The following WWOX variants were observed in gnomAD, a reference collection of about 807,000 sequenced individuals.
WWOX encodes WW domain-containing oxidoreductase.
WWOX carries 69 observed loss-of-function variants against 46.2 expected under a neutral mutation model. The observed-to-expected ratio is 1.49, with a 90% CI of 1.23 to 1.82. The LOEUF (loss-of-function observed/expected upper bound fraction) is 1.82, where lower values mean the gene tolerates loss of function less well. WWOX is among the 40% of genes most tolerant of loss of function. The probability of loss-of-function intolerance (pLI) is 0.00; values close to 1 mark genes in which losing one functional copy is unlikely to be tolerated. For missense variants in WWOX, 919 were observed against 542.6 expected (o/e 1.69, Z -6.89); for synonymous variants, 359 against 202.6 (o/e 1.77, Z -6.56).
At chr16:78,878,228 C>T (rs1325555619) in intron 8 of WWOX, among the ~76,000 whole-genome samples, 2 of 152,132 alleles carry the variant, frequency 1.3e-5, no homozygotes, top group Admixed American at 6.5e-5. Context: ...AACTCCTTAG[C>T]CTCATGACAT....
At chr16:78,979,307 C>T (rs1450077995) in intron 8 of WWOX, among the ~76,000 whole-genome samples, 2 of 152,118 alleles carry the variant, frequency 1.3e-5, no homozygotes, top group African/African-American at 4.8e-5. Context: ...CTCCTTCTAA[C>T]CTTTATAGTT....
intron 8 of WWOX, among the ~76,000 whole-genome samples, chr16:79,077,018 G>A (rs577508723): frequency 6.6e-6 from 1 of 152,218 alleles, no homozygotes; most frequent in Admixed American, 6.5e-5. Context: ...TGTTTTTATA[G>A]GGAAAAACAG....
In WWOX at chr16:78,904,741, A is replaced by G. The variant is rs140242642; in HGVS notation, c.1057-306867A>G. Among the ~76,000 whole-genome samples, 254 of 152,298 alleles carry G rather than the reference A, an allele frequency of 1.7e-3. 2 individuals are homozygous for G. Among genetic ancestry groups the G allele is most frequent in the African/African-American group, 5.8e-3 (242 of 41,572 alleles). On this transcript the variant is annotated intron_variant, in intron 8 of 8. Transcript: ENST00000566780. ...GTCAAGATATCTGGTCACCCTATCT[A>G]TGATCTGTCACACTTAGTACTTTCT...
At chr16:78,853,566 T>G (rs931979117) in intron 8 of WWOX, among the ~76,000 whole-genome samples, 1 of 152,214 alleles carries the variant, frequency 6.6e-6, no homozygotes, top group Non-Finnish European at 1.5e-5. Context: ...TGAATCTTCT[T>G]GACCATGAGG....
rs116781746 is a variant in WWOX at position 78,615,208 on chromosome 16, G to T, written c.1056+182456G>T. Among the ~76,000 whole-genome samples the T allele has an allele frequency of 1.1e-3, 175 of 152,260 alleles. 3 individuals are homozygous for T. The highest frequency in any genetic ancestry group is 4.0e-3 in the African/African-American group (165 of 41,552). On this transcript the variant is annotated intron_variant, in intron 8 of 8. Coordinates refer to ENST00000566780, the MANE Select transcript of WWOX (RefSeq NM_016373.4). ...AGTAATAACATTCTAGAAACTCTCT[G>T]TTTTTTGAAAGGGCATCACCACTGT...
chr16:79,054,496 T>A (rs912411580), intron 8 of WWOX, among the ~76,000 whole-genome samples: 2 of 152,170 alleles, frequency 1.3e-5, no homozygotes, highest in Admixed American at 6.6e-5. Flanking sequence ...ATCAGGGGAA[T>A]ACATTAATTT....
At chr16:78,242,680 G>T (rs1476314022) in intron 5 of WWOX, among the ~76,000 whole-genome samples, 1 of 152,140 alleles carries the variant, frequency 6.6e-6, no homozygotes, top group Non-Finnish European at 1.5e-5. Context: ...TGGCTAATAG[G>T]GGACAGGAGA....
chr16:79,039,853 G>A (rs928952810), intron 8 of WWOX, among the ~76,000 whole-genome samples: 12 of 152,280 alleles, frequency 7.9e-5, no homozygotes, highest in African/African-American at 2.6e-4. Flanking sequence ...ATCTCTACCA[G>A]TCAGGAGTTG....
intron 8 of WWOX, among the ~76,000 whole-genome samples, chr16:78,738,850 A>G (rs1567527361): frequency 6.6e-6 from 1 of 152,156 alleles, no homozygotes; most frequent in Non-Finnish European, 1.5e-5. Context: ...AGGTAGATAG[A>G]GATTGTCCCT....
intron 8 of WWOX, among the ~76,000 whole-genome samples, chr16:78,832,776 G>A (rs968528859): frequency 4.6e-5 from 7 of 152,072 alleles, no homozygotes; most frequent in Admixed American, 1.3e-4. Context: ...TTGGGGAGGC[G>A]CCTTTACAGA....
chr16:79,025,287 A>C (rs987366746), intron 8 of WWOX, among the ~76,000 whole-genome samples: 1 of 152,204 alleles, frequency 6.6e-6, no homozygotes, highest in Non-Finnish European at 1.5e-5. Context: ...GAGTTAAGAC[A>C]GTAGCCCTTT....
Position 78,357,827 on chromosome 16 carries a change from T to G in WWOX, c.517-29033T>G, listed in dbSNP as rs1347316056. On this transcript the variant is annotated intron_variant, in intron 5 of 8. Transcript: ENST00000566780. ...ACCCGATCCCTGGGAGTTTGGTGAA[T>G]TAATCACCCAGCATCCAAATAGCTA... 2.0e-5 allele frequency among the ~76,000 whole-genome samples: 3 copies of G among 152,214 alleles called. No homozygotes were observed. In the East Asian group the frequency reaches 5.8e-4, roughly 29 times the overall value.
At chr16:78,744,911 C>G (rs753233923) in intron 8 of WWOX, among the ~76,000 whole-genome samples, 2 of 152,176 alleles carry the variant, frequency 1.3e-5, no homozygotes, top group African/African-American at 2.4e-5. Context: ...TCAACGTTTT[C>G]TGTTTCCTCC....
intron 8 of WWOX, among the ~76,000 whole-genome samples, chr16:78,755,425 T>C (rs1108736): frequency 0.025 from 3,812 of 152,044 alleles, 95 homozygotes; most frequent in African/African-American, 0.058. Flanking sequence ...ATATTACATG[T>C]TGGGATGATG....
At chr16:79,033,462 C>G (rs1392755045) in intron 8 of WWOX, among the ~76,000 whole-genome samples, 3 of 151,794 alleles carry the variant, frequency 2.0e-5, no homozygotes, top group East Asian at 1.9e-4. Flanking sequence ...CCAGAATAAA[C>G]TATTTTTTAT....
At chr16:78,388,259 G>A (rs1304988688) in intron 6 of WWOX, among the ~76,000 whole-genome samples, 1 of 152,112 alleles carries the variant, frequency 6.6e-6, no homozygotes, top group Non-Finnish European at 1.5e-5. Context: ...TCAAACTCCT[G>A]GCCTCAGGTG....
chr16:78,507,352 C>T (rs377011896), intron 8 of WWOX, among the ~76,000 whole-genome samples: 6 of 152,150 alleles, frequency 3.9e-5, no homozygotes, highest in African/African-American at 1.2e-4. Context: ...GCAACTGACC[C>T]TTGGGATAAA....
intron 8 of WWOX, among the ~76,000 whole-genome samples, chr16:78,914,938 G>T (rs946234132): frequency 6.6e-6 from 1 of 151,160 alleles, no homozygotes; most frequent in Non-Finnish European, 1.5e-5. Flanking sequence ...GCAGGCTGTG[G>T]TCTGGCCTGG....
At chr16:78,737,642 A>G (rs78612313) in intron 8 of WWOX, among the ~76,000 whole-genome samples, 1 of 152,046 alleles carries the variant, frequency 6.6e-6, no homozygotes, top group African/African-American at 2.4e-5. Flanking sequence ...CTGCCTTTGC[A>G]TCCTCATAGT....
Sources: gnomAD v4.1 joint callset for allele counts (sites outside exome capture counted in the v4.1 genomes callset) on GRCh38, gnomAD v4.1.1 for gene constraint, MANE v1.5 for transcripts, NCBI Gene and HGNC (gene_info 2026-07-23, HGNC 2026-07-21) for gene names.